Variants in RUNX2 observed in about 807,000 individuals in gnomAD.
The protein encoded by RUNX2 is RUNX family transcription factor 2, also known as runt-related transcription factor 2.
Under a neutral mutation model 51.7 loss-of-function variants are expected in RUNX2, and 10 were observed. That is an observed-to-expected ratio of 0.19 (90% confidence interval 0.12 to 0.33). The LOEUF (loss-of-function observed/expected upper bound fraction) is 0.33. Among genes scored for constraint, RUNX2 ranks in the 10% least tolerant of loss-of-function variants. The pLI, the probability that RUNX2 is intolerant of heterozygous loss-of-function variation, is 1.00. For missense variants in RUNX2, 562 were observed against 691.3 expected (o/e 0.81, Z 2.10); for synonymous variants, 276 against 273.6 (o/e 1.01, Z -0.09).
At chr6:45,434,648 C>CT (rs1168502910) in intron 4 of RUNX2, among the ~76,000 whole-genome samples, 6 of 151,766 alleles carry the variant, frequency 4.0e-5, no homozygotes, top group South Asian at 2.1e-4. Context: ...ATGGTTTTTC[C>CT]TTTTTTTTAT....
chr6:45,349,784 C>A (rs1254658925), intron 2 of RUNX2, among the ~76,000 whole-genome samples: 4 of 152,172 alleles, frequency 2.6e-5, no homozygotes, highest in Non-Finnish European at 5.9e-5. Context: ...AGAAAGGCAA[C>A]CAAACAATGA....
At chr6:45,409,884 G>GAATGC in intron 2 of RUNX2, among the ~76,000 whole-genome samples, 1 of 152,310 alleles carries the variant, frequency 6.6e-6, no homozygotes, top group African/African-American at 2.4e-5. Context: ...ACTCTATATG[G>GAATGC]AATGCATATA....
chr6:45,446,691 A>G (rs186887948), intron 5 of RUNX2, among the ~76,000 whole-genome samples: 1 of 152,212 alleles, frequency 6.6e-6, no homozygotes, highest in South Asian at 2.1e-4. Context: ...TGCTTTTCCC[A>G]TTCATACCTG....
At chr6:45,546,116 T>A (rs887081958) in intron 8 of RUNX2, among the ~76,000 whole-genome samples, 1 of 152,000 alleles carries the variant, frequency 6.6e-6, no homozygotes, top group Non-Finnish European at 1.5e-5. Flanking sequence ...CCATCAAGAC[T>A]TGAAATCAAT....
chr6:45,512,399 G>A lies in RUNX2; in HGVS notation c.1013G>A (p.Arg338His), dbSNP rs367898326. Residue 338 changes from arginine to histidine, a missense_variant, in exon 7 of 9, where the codon CGC becomes CAC. This residue lies in a region of RUNX2 where 304 missense variants were observed against 353.2 expected (regional missense o/e 0.86). Transcript: ENST00000647337. Reference sequence around the variant, plus strand: ...CCTGCCATCACCGATGTGCCTAGGCGCATTTCAGGTAAAGACCGTGCTTTA... The same window carrying A: ...CCTGCCATCACCGATGTGCCTAGGCACATTTCAGGTAAAGACCGTGCTTTA... ...GLPAITDVPR[R>H]ISDDDTATSD... is the part of the protein sequence containing the mutation. 15 of 1,613,912 alleles carry A rather than the reference G, an allele frequency of 9.3e-6. No homozygotes were observed. The highest frequency in any genetic ancestry group is 1.1e-5 in the Non-Finnish European group (13 of 1,179,988).
At chr6:45,484,124 C>A (rs761571152) in intron 5 of RUNX2, among the ~76,000 whole-genome samples, 7 of 152,126 alleles carry the variant, frequency 4.6e-5, no homozygotes, top group Non-Finnish European at 1.0e-4. Context: ...CAACAGGGTT[C>A]CATTTTGGTG....
chr6:45,370,941 C>G (rs1401665918), intron 2 of RUNX2, among the ~76,000 whole-genome samples: 1 of 152,136 alleles, frequency 6.6e-6, no homozygotes, highest in Non-Finnish European at 1.5e-5. Context: ...TTTGCAAAAA[C>G]AGTCCCTAAG....
In RUNX2 at chr6:45,549,759, CT is replaced by C. The variant is rs924188550; in HGVS notation, c.*2460del. The C allele has an allele frequency of 6.2e-6, 1 of 161,842 alleles. No individual in the cohort carries two copies. Among genetic ancestry groups the C allele is most frequent in the Non-Finnish European group, 1.3e-5 (1 of 74,386 alleles). The allele number at this position is 161,842 out of a possible 1,614,324, so 10.0% of individuals were successfully genotyped here. On this transcript the variant is annotated 3_prime_UTR_variant, in exon 9 of 9. Transcript: ENST00000647337. Reference sequence around the variant, plus strand: ...ACATTATTTTTTAATGTTAAAAGGGCTTTTTTAAGTTTACAGTACACATACC... The same window carrying C: ...ACATTATTTTTTAATGTTAAAAGGGCTTTTTAAGTTTACAGTACACATACC...
At chr6:45,369,197 C>T (rs1483730278) in intron 2 of RUNX2, among the ~76,000 whole-genome samples, 8 of 152,016 alleles carry the variant, frequency 5.3e-5, no homozygotes, top group Non-Finnish European at 1.0e-4. Flanking sequence ...TTTTCTACCA[C>T]AGTCAAATCA....
chr6:45,383,452 A>G (rs1797283813), intron 2 of RUNX2, among the ~76,000 whole-genome samples: 1 of 152,122 alleles, frequency 6.6e-6, no homozygotes, highest in Admixed American at 6.5e-5. Flanking sequence ...ATAAATAAAT[A>G]AGTTCTTAAG....
At chr6:45,514,496 C>A (rs894920709) in intron 7 of RUNX2, among the ~76,000 whole-genome samples, 1 of 152,066 alleles carries the variant, frequency 6.6e-6, no homozygotes, top group Non-Finnish European at 1.5e-5. Flanking sequence ...TTCCTCCAAC[C>A]CTTAACATTT....
intron 5 of RUNX2, among the ~76,000 whole-genome samples, chr6:45,480,343 T>C (rs1282963056): frequency 1.3e-5 from 2 of 152,258 alleles, no homozygotes; most frequent in Non-Finnish European, 2.9e-5. Flanking sequence ...ACTGCATTTT[T>C]CAGTTCTTTA....
intron 2 of RUNX2, 37 bp from the exon 3 acceptor site, chr6:45,422,556 C>G (rs750716668): frequency 7.1e-7 from 1 of 1,415,926 alleles, no homozygotes; most frequent in Non-Finnish European, 9.4e-7. Context: ...CCGGCCACTT[C>G]GCTAACTTGT....
rs762910660 is a variant in RUNX2, at chr6:45,437,979, A to G, written c.613A>G (p.Thr205Ala). The change falls in exon 5 of 9, where the codon ACA (threonine) becomes GCA (alanine). Residue 205 changes from threonine (T) to alanine (A), a missense_variant. Thr to Ala is a moderately conservative substitution (Grantham distance 58). This residue lies in a region of RUNX2 where 37 missense variants were observed against 66.5 expected (regional missense o/e 0.56). Coordinates refer to ENST00000647337, the MANE Select transcript of RUNX2 (RefSeq NM_001024630.4). The stretch of plus-strand genomic sequence containing the variant: ...TTTCACCTTGACCATAACCGTCTTC[A>G]CAAATCCTCCCCAAGTAGCTACCTA... ...KSFTLTITVF[T>A]NPPQVATYHR... The G allele has an allele frequency of 9.9e-6, 16 of 1,613,576 alleles. No homozygotes were observed. The highest frequency in any genetic ancestry group is 1.4e-5 in the Non-Finnish European group (16 of 1,179,584).
chr6:45,371,477 AC>A (rs1163610441), intron 2 of RUNX2, among the ~76,000 whole-genome samples: 1 of 151,732 alleles, frequency 6.6e-6, no homozygotes, highest in Non-Finnish European at 1.5e-5. Flanking sequence ...GCTGAAGGTC[AC>A]AAATCCAATA....
At chr6:45,361,291 A>G (rs1201823281) in intron 2 of RUNX2, among the ~76,000 whole-genome samples, 2 of 152,110 alleles carry the variant, frequency 1.3e-5, no homozygotes, top group African/African-American at 2.4e-5. Flanking sequence ...GATTTTTTCA[A>G]TGTTATTGCT....
At chr6:45,445,190 A>C (rs990351960) in intron 5 of RUNX2, among the ~76,000 whole-genome samples, 2 of 151,854 alleles carry the variant, frequency 1.3e-5, no homozygotes, top group South Asian at 2.1e-4. Context: ...ACACCTGGCT[A>C]ATTTTTTGTA....
At chr6:45,357,622 C>G (rs982649848) in intron 2 of RUNX2, among the ~76,000 whole-genome samples, 1 of 152,174 alleles carries the variant, frequency 6.6e-6, no homozygotes, top group African/African-American at 2.4e-5. Flanking sequence ...GCTACCACAC[C>G]TGGTCCCCCT....
At chr6:45,416,225 T>A (rs1264814612) in intron 2 of RUNX2, among the ~76,000 whole-genome samples, 2 of 152,228 alleles carry the variant, frequency 1.3e-5, no homozygotes, top group Non-Finnish European at 2.9e-5. Context: ...TTCTGTTCTA[T>A]TTTTTCTTAC....
Sources: gnomAD v4.1 joint callset for allele counts (sites outside exome capture counted in the v4.1 genomes callset) on GRCh38, gnomAD v4.1.1 for gene constraint, gnomAD v4.1.1 regional missense constraint, MANE v1.5 for transcripts, NCBI Gene and HGNC (gene_info 2026-07-23, HGNC 2026-07-21) for gene names.